Variants in NFATC1 observed in about 807,000 individuals in gnomAD.
NFATC1 encodes nuclear factor of activated T-cells, cytoplasmic 1.
NFATC1 carries 22 observed loss-of-function variants against 76.0 expected under a neutral mutation model. That is an observed-to-expected ratio of 0.29 (90% CI 0.21 to 0.41). The LOEUF (loss-of-function observed/expected upper bound fraction) is 0.41. Among genes scored for constraint, NFATC1 ranks in the 10% least tolerant of loss-of-function variants. NFATC1 has a pLI of 1.00. For missense variants in NFATC1, 1,357 were observed against 1,337.7 expected (o/e 1.01, Z -0.23); for synonymous variants, 704 against 613.1 (o/e 1.15, Z -2.19).
chr18:79,400,701 C>G (rs1230802971), intron 1 of NFATC1, among the ~76,000 whole-genome samples: 1 of 151,392 alleles, frequency 6.6e-6, no homozygotes, highest in African/African-American at 2.4e-5. Flanking sequence ...GAGCGCAGCC[C>G]GGACACGGGC....
In NFATC1 at chr18:79,410,560, T is replaced by G; in HGVS notation, c.285T>G (p.Gly95=). ...HPSGYGAALD[G]GPAGYFLSSG... ...CGGGGTACGGAGCAGCTTTGGACGG[T>G]GGGCCCGCGGGCTACTTCCTCTCCT... Residue 95 remains glycine, a synonymous_variant, in exon 2 of 10, where the codon GGT becomes GGG. Transcript: ENST00000427363. The surrounding 1 kb of genome is among the most constrained non-coding windows in gnomAD (Gnocchi z 6.7). The G allele has an allele frequency of 6.2e-7, 1 of 1,611,614 alleles. No individual in the cohort carries two copies. The highest frequency in any genetic ancestry group is 8.5e-7 in the Non-Finnish European group (1 of 1,179,986).
At chr18:79,491,856 A>G (rs1395729025) in intron 9 of NFATC1, among the ~76,000 whole-genome samples, 2 of 151,332 alleles carry the variant, frequency 1.3e-5, no homozygotes, top group Non-Finnish European at 2.9e-5. Flanking sequence ...GCACCCAGCC[A>G]TGTTTGAGAG....
rs551732537 is a variant in NFATC1 at position 79,465,908 on chromosome 18, T to G, written c.1960-1542T>G. 1.3e-5 allele frequency among the ~76,000 whole-genome samples: 2 copies of G among 152,378 alleles called. No homozygotes were observed. The highest frequency in any genetic ancestry group is 4.8e-5 in the African/African-American group (2 of 41,604). On this transcript the variant is annotated intron_variant, in intron 7 of 9. Coordinates refer to ENST00000427363, the MANE Select transcript of NFATC1 (RefSeq NM_001278669.2). The surrounding 1 kb of genome is among the most constrained non-coding windows in gnomAD (Gnocchi z 4.2). ...AGGCCCCGCCCACTGACAGCACTCATGGCCCCTCCGGCGGCAGCTTCAGCT... is the reference window on the plus strand; with the variant it reads ...AGGCCCCGCCCACTGACAGCACTCAGGGCCCCTCCGGCGGCAGCTTCAGCT...
intron 2 of NFATC1, among the ~76,000 whole-genome samples, chr18:79,431,909 G>C (rs1342173732): frequency 6.6e-6 from 1 of 152,078 alleles, no homozygotes; most frequent in Middle Eastern, 3.2e-3. Context: ...CACCATGTTG[G>C]CCAGGATGGT....
At chr18:79,488,045 T>G (rs893249598) in intron 9 of NFATC1, among the ~76,000 whole-genome samples, 8 of 151,722 alleles carry the variant, frequency 5.3e-5, no homozygotes, top group Non-Finnish European at 1.0e-4. Context: ...CTCGGCCTTC[T>G]GGGGAGGGGG....
Position 79,440,847 on chromosome 18 carries a change from G to A in NFATC1, c.1386+7109G>A, listed in dbSNP as rs138615564. On this transcript the variant is annotated intron_variant, in intron 3 of 9. Coordinates refer to ENST00000427363, the MANE Select transcript of NFATC1 (RefSeq NM_001278669.2). ...TCTCTGAGGAGCTGCTGGGCGGGAC[G>A]GCTGCTTGCTTTCTTTGTCTGTGAC... Among the ~76,000 whole-genome samples the A allele has an allele frequency of 2.3e-4, 35 of 152,358 alleles. No individual in the cohort carries two copies. The East Asian group carries it at 5.6e-3, about 24-fold the overall frequency.
intron 9 of NFATC1, among the ~76,000 whole-genome samples, chr18:79,499,941 A>G (rs1222200264): frequency 6.6e-6 from 1 of 152,182 alleles, no homozygotes; most frequent in African/African-American, 2.4e-5. Context: ...GAAGATATAA[A>G]CACATTTGCA....
chr18:79,527,804 C>A lies in NFATC1; in HGVS notation c.*227C>A. 1 of 578,844 alleles carries A rather than the reference C, an allele frequency of 1.7e-6. No homozygotes were observed. The highest frequency in any genetic ancestry group is 2.3e-5 in the South Asian group (1 of 42,828). 35.9% of individuals were successfully genotyped at this position (578,844 alleles called of 1,614,324 possible). Reference sequence around the variant, plus strand: ...TGGAGGAGAAGTCATCTCATGACAACAGAAGGGAGGTGGCCGGGCTGAGCA... The same window carrying A: ...TGGAGGAGAAGTCATCTCATGACAAAAGAAGGGAGGTGGCCGGGCTGAGCA... On this transcript the variant is annotated 3_prime_UTR_variant, in exon 10 of 10. Coordinates refer to ENST00000427363, the MANE Select transcript of NFATC1 (RefSeq NM_001278669.2).
chr18:79,501,913 T>C (rs1461591752), intron 9 of NFATC1, among the ~76,000 whole-genome samples: 1 of 152,172 alleles, frequency 6.6e-6, no homozygotes, highest in Non-Finnish European at 1.5e-5. Context: ...GAATCAATAT[T>C]GTGAAGATGG....
At position 79,527,869 on chromosome 18, in the gene NFATC1, C is replaced by T. The variant is rs1288521541; in HGVS notation, c.*292C>T. 1 of 480,042 alleles carries T rather than the reference C, an allele frequency of 2.1e-6. No homozygotes were observed. The highest frequency in any genetic ancestry group is 3.7e-6 in the Non-Finnish European group (1 of 271,332). 29.7% of individuals were successfully genotyped at this position (480,042 alleles called of 1,614,324 possible). On this transcript the variant is annotated 3_prime_UTR_variant, in exon 10 of 10. Coordinates refer to ENST00000427363, the MANE Select transcript of NFATC1 (RefSeq NM_001278669.2). ...TGCAGGGGCCTTTCATGGGAACGGCCCACACGCAGTTTGACCCCACGCCCA... is the reference window on the plus strand; with the variant it reads ...TGCAGGGGCCTTTCATGGGAACGGCTCACACGCAGTTTGACCCCACGCCCA...
chr18:79,421,376 G>C (rs1191317408), intron 2 of NFATC1: 1 of 152,294 alleles, frequency 6.6e-6, no homozygotes, highest in African/African-American at 2.4e-5. Flanking sequence ...CAGGTCGAGT[G>C]TGTTTCCAGA....
At chr18:79,418,857 G>C (rs1003970703) in intron 2 of NFATC1, among the ~76,000 whole-genome samples, 1 of 152,216 alleles carries the variant, frequency 6.6e-6, no homozygotes, top group Non-Finnish European at 1.5e-5. Context: ...GTGAGGGTGT[G>C]AGGAGGCTGC....
At chr18:79,471,788 G>A (rs1031152973) in intron 8 of NFATC1, among the ~76,000 whole-genome samples, 2 of 152,228 alleles carry the variant, frequency 1.3e-5, no homozygotes, top group African/African-American at 4.8e-5. Context: ...GTGTGAAGGT[G>A]TCGGAACAGA....
chr18:79,435,588 T>G (rs2086747023), intron 3 of NFATC1, among the ~76,000 whole-genome samples: 1 of 152,146 alleles, frequency 6.6e-6, no homozygotes, highest in South Asian at 2.1e-4. Context: ...AGTGCTTGGG[T>G]ACTCTCCCTG....
chr18:79,446,651 G>A (rs1021614950), intron 3 of NFATC1, among the ~76,000 whole-genome samples: 2 of 152,222 alleles, frequency 1.3e-5, no homozygotes, highest in South Asian at 2.1e-4. Context: ...AGGTCCCAGC[G>A]TCCCCCGTCC....
At chr18:79,471,615 G>A (rs1054933405) in intron 8 of NFATC1, among the ~76,000 whole-genome samples, 2 of 152,202 alleles carry the variant, frequency 1.3e-5, no homozygotes, top group Admixed American at 6.5e-5. Context: ...GGTCCCTGTG[G>A]GAACACACAG....
At chr18:79,404,858 T>G (rs2085380964) in intron 1 of NFATC1, among the ~76,000 whole-genome samples, 2 of 152,198 alleles carry the variant, frequency 1.3e-5, no homozygotes, top group South Asian at 4.1e-4. Flanking sequence ...TCTGCAAGGT[T>G]AGAATGCTGT....
intron 2 of NFATC1, 39 bp downstream of exon 2, chr18:79,411,540 G>C (rs773991329): frequency 7.3e-7 from 1 of 1,369,068 alleles, no homozygotes; most frequent in Non-Finnish European, 9.4e-7. Context: ...GAGGCGAGGG[G>C]AGGCGCGGGG....
chr18:79,400,709 G>T (rs918231746), intron 1 of NFATC1, among the ~76,000 whole-genome samples: 1 of 150,422 alleles, frequency 6.6e-6, no homozygotes, highest in African/African-American at 2.4e-5. Context: ...CCCGGACACG[G>T]GCGTGGACGA....
Sources: gnomAD v4.1 joint callset for allele counts (sites outside exome capture counted in the v4.1 genomes callset) on GRCh38, gnomAD v4.1.1 for gene constraint, Gnocchi (gnomAD v3.1) non-coding constraint, MANE v1.5 for transcripts, NCBI Gene and HGNC (gene_info 2026-07-23, HGNC 2026-07-21) for gene names.